The following DRC11 variants were observed in gnomAD, a reference collection of about 807,000 sequenced individuals.
DRC11 encodes IQ and AAA domain-containing protein 1.
At chr2:236,367,641 T>C in the DRC11 span, 2 of 154,682 alleles carry the variant, frequency 1.3e-5, no homozygotes, top group Non-Finnish European at 2.9e-5. This position sits in a 1 kb window ranked among gnomAD's most constrained non-coding sequence, Gnocchi z 4.8. Context: ...ATATCTGTGC[T>C]GTGGAGAGCC....
chr2:236,312,476 A>G, the DRC11 span, among the ~76,000 whole-genome samples: 2 of 152,218 alleles, frequency 1.3e-5, no homozygotes, highest in Non-Finnish European at 2.9e-5. Flanking sequence ...CTATATGCAC[A>G]TAAGTATAGC....
chr2:236,396,141 AAG>A, the DRC11 span, among the ~76,000 whole-genome samples: 2 of 152,112 alleles, frequency 1.3e-5, no homozygotes, highest in South Asian at 4.2e-4. Flanking sequence ...CAATCCCTTC[AAG>A]AATTTCATGG....
the DRC11 span, among the ~76,000 whole-genome samples, chr2:236,351,518 C>G: frequency 6.6e-6 from 1 of 152,148 alleles, no homozygotes; most frequent in African/African-American, 2.4e-5. The surrounding 1 kb of genome is among the most constrained non-coding windows in gnomAD (Gnocchi z 7.3). Context: ...AAGTGCACGG[C>G]CATGCTACAG....
the DRC11 span, among the ~76,000 whole-genome samples, chr2:236,491,142 GTATATATATACACACAGTATATATATATA>G: frequency 4.2e-3 from 165 of 39,288 alleles, 2 homozygotes; most frequent in East Asian, 5.4e-3. Flanking sequence ...TATATATACA[GTATATATATACACACAGTATATATATATA>G]TATATATATA....
At chr2:236,496,363 A>C in the DRC11 span, among the ~76,000 whole-genome samples, 15 of 152,214 alleles carry the variant, frequency 9.9e-5, no homozygotes, top group Admixed American at 9.8e-4. This position sits in a 1 kb window ranked among gnomAD's most constrained non-coding sequence, Gnocchi z 6.3. Context: ...TGAAACCCTC[A>C]TGTAGAAAAT....
the DRC11 span, chr2:236,367,450 G>T: frequency 1.3e-5 from 2 of 151,808 alleles, no homozygotes; most frequent in East Asian, 3.9e-4. The surrounding 1 kb of genome is among the most constrained non-coding windows in gnomAD (Gnocchi z 4.8). Context: ...ATAAGGGTTT[G>T]AACTACTCCC....
the DRC11 span, among the ~76,000 whole-genome samples, chr2:236,343,436 G>A: frequency 2.6e-5 from 4 of 152,200 alleles, no homozygotes; most frequent in Admixed American, 1.3e-4. This position sits in a 1 kb window ranked among gnomAD's most constrained non-coding sequence, Gnocchi z 6.6. Context: ...TAAAGGAAGC[G>A]GAGGCTCAGA....
the DRC11 span, among the ~76,000 whole-genome samples, chr2:236,440,320 C>T: frequency 6.6e-6 from 1 of 152,116 alleles, no homozygotes; most frequent in Admixed American, 6.5e-5. Context: ...AGGTTGTGGG[C>T]AGTTGGGGAA....
chr2:236,448,278 T>C, the DRC11 span, among the ~76,000 whole-genome samples: 1 of 152,228 alleles, frequency 6.6e-6, no homozygotes, highest in African/African-American at 2.4e-5. The surrounding 1 kb of genome is among the most constrained non-coding windows in gnomAD (Gnocchi z 5.3). Flanking sequence ...GAAAAACTTA[T>C]ACTATACAAC....
chr2:236,391,405 A>G, the DRC11 span: 1 of 153,196 alleles, frequency 6.5e-6, no homozygotes, highest in African/African-American at 2.4e-5. This position sits in a 1 kb window ranked among gnomAD's most constrained non-coding sequence, Gnocchi z 4.5. Flanking sequence ...ACTGACAGGG[A>G]GAACTCTCCG....
chr2:236,310,772 C>T, the DRC11 span, among the ~76,000 whole-genome samples: 1 of 152,202 alleles, frequency 6.6e-6, no homozygotes, highest in Non-Finnish European at 1.5e-5. The surrounding 1 kb of genome is among the most constrained non-coding windows in gnomAD (Gnocchi z 5.5). Flanking sequence ...CATTGTGCCT[C>T]ATATAAATAC....
the DRC11 span, among the ~76,000 whole-genome samples, chr2:236,349,882 T>C: frequency 6.6e-6 from 1 of 152,110 alleles, no homozygotes; most frequent in African/African-American, 2.4e-5. This position sits in a 1 kb window ranked among gnomAD's most constrained non-coding sequence, Gnocchi z 5.5. Context: ...AAAATAAAAG[T>C]TAAAAACAAA....
At chr2:236,488,875 G>A in the DRC11 span, among the ~76,000 whole-genome samples, 1 of 152,330 alleles carries the variant, frequency 6.6e-6, no homozygotes, top group South Asian at 2.1e-4. Context: ...AGGAAAGAGG[G>A]ACAAGAACAA....
the DRC11 span, among the ~76,000 whole-genome samples, chr2:236,371,756 T>C: frequency 6.6e-6 from 1 of 152,196 alleles, no homozygotes; most frequent in African/African-American, 2.4e-5. The surrounding 1 kb of genome is among the most constrained non-coding windows in gnomAD (Gnocchi z 5.1). Context: ...TTCTTTCATG[T>C]TTATCAGTTT....
the DRC11 span, chr2:236,408,093 C>A: frequency 1.6e-6 from 1 of 622,890 alleles, no homozygotes; most frequent in Non-Finnish European, 3.1e-6. This position sits in a 1 kb window ranked among gnomAD's most constrained non-coding sequence, Gnocchi z 5.5. Context: ...AGCCACTGGT[C>A]ACTTCACCAT....
chr2:236,368,934 T>C, the DRC11 span: 3 of 152,296 alleles, frequency 2.0e-5, no homozygotes, highest in Admixed American at 6.5e-5. Context: ...AAGGGCTTAA[T>C]TGTAACTAGT....
chr2:236,365,838 A>G, the DRC11 span, among the ~76,000 whole-genome samples: 2 of 152,154 alleles, frequency 1.3e-5, no homozygotes, highest in Non-Finnish European at 2.9e-5. This position sits in a 1 kb window ranked among gnomAD's most constrained non-coding sequence, Gnocchi z 7.4. Flanking sequence ...GCCAGTGTCC[A>G]CAGCTCTTCC....
At chr2:236,346,721 T>C in the DRC11 span, 1 of 169,018 alleles carries the variant, frequency 5.9e-6, no homozygotes, top group Non-Finnish European at 1.5e-5. Context: ...GATGGGCAGG[T>C]GGTTGTTTTC....
At chr2:236,429,140 C>G in the DRC11 span, among the ~76,000 whole-genome samples, 3 of 152,292 alleles carry the variant, frequency 2.0e-5, no homozygotes, top group South Asian at 2.1e-4. The surrounding 1 kb of genome is among the most constrained non-coding windows in gnomAD (Gnocchi z 5.9). Flanking sequence ...ACTGTAGCAT[C>G]AGGTCTGGTG....
Sources: gnomAD v4.1 joint callset for allele counts (sites outside exome capture counted in the v4.1 genomes callset) on GRCh38, gnomAD v4.1.1 for gene constraint, Gnocchi (gnomAD v3.1) non-coding constraint, MANE v1.5 for transcripts, NCBI Gene and HGNC (gene_info 2026-07-23, HGNC 2026-07-21) for gene names.